EPCIP: variants seen among roughly 807,000 people sequenced by gnomAD.
EPCIP encodes exosomal polycystin-1-interacting protein.
the EPCIP span, among the ~76,000 whole-genome samples, chr21:32,811,068 G>A: frequency 2.6e-5 from 4 of 152,016 alleles, no homozygotes; most frequent in Non-Finnish European, 4.4e-5. Context: ...GTACTGTTAA[G>A]TGTTTCACGT....
chr21:32,794,915 C>T, the EPCIP span, among the ~76,000 whole-genome samples: 1 of 152,198 alleles, frequency 6.6e-6, no homozygotes, highest in African/African-American at 2.4e-5. Flanking sequence ...CTTTCCTCCC[C>T]CTCAATATCT....
At chr21:32,798,026 T>TAAAC in the EPCIP span, 1 of 152,148 alleles carries the variant, frequency 6.6e-6, no homozygotes, top group Non-Finnish European at 1.5e-5. Context: ...AATAAATAAA[T>TAAAC]AAACCTCTCT....
chr21:32,792,919 T>TA, the EPCIP span, among the ~76,000 whole-genome samples: 6 of 151,700 alleles, frequency 4.0e-5, no homozygotes, highest in Admixed American at 4.0e-4. Flanking sequence ...ATTATTATTT[T>TA]TTTTTTTTTT....
the EPCIP span, among the ~76,000 whole-genome samples, chr21:32,801,668 C>G: frequency 6.6e-6 from 1 of 152,148 alleles, no homozygotes; most frequent in Non-Finnish European, 1.5e-5. Context: ...TGGTGAAACC[C>G]TGTCTCTACT....
At chr21:32,797,532 G>A in the EPCIP span, 1 of 158,216 alleles carries the variant, frequency 6.3e-6, no homozygotes, top group South Asian at 1.8e-4. Context: ...TTACAGGCAT[G>A]AGCCACTGCA....
the EPCIP span, among the ~76,000 whole-genome samples, chr21:32,799,491 C>T: frequency 3.9e-5 from 6 of 152,228 alleles, no homozygotes; most frequent in Non-Finnish European, 5.9e-5. Flanking sequence ...TTGGGGTGCC[C>T]GGGCCCTAGC....
At chr21:32,812,365 T>G in the EPCIP span, among the ~76,000 whole-genome samples, 3 of 152,176 alleles carry the variant, frequency 2.0e-5, no homozygotes, top group African/African-American at 7.2e-5. Flanking sequence ...CTGGGGCCTA[T>G]TGACCTATTA....
the EPCIP span, chr21:32,794,458 CT>C: frequency 1.3e-6 from 2 of 1,579,964 alleles, no homozygotes; most frequent in African/African-American, 2.7e-5. Context: ...TATCCCCCCT[CT>C]TTTTGAACCA....
At chr21:32,794,121 CT>C in the EPCIP span, 1 of 1,614,214 alleles carries the variant, frequency 6.2e-7, no homozygotes. Flanking sequence ...AGCTTCAGGT[CT>C]TGGACCAGCG....
the EPCIP span, among the ~76,000 whole-genome samples, chr21:32,808,382 A>G: frequency 6.6e-6 from 1 of 152,176 alleles, no homozygotes; most frequent in Non-Finnish European, 1.5e-5. Context: ...CTTCCACTTA[A>G]CAGTCGTGCC....
At chr21:32,798,762 G>A in the EPCIP span, 2 of 152,110 alleles carry the variant, frequency 1.3e-5, no homozygotes, top group Non-Finnish European at 2.9e-5. Context: ...TCAGGAGTTC[G>A]AGATCATTCT....
At chr21:32,803,852 T>C in the EPCIP span, among the ~76,000 whole-genome samples, 1 of 152,182 alleles carries the variant, frequency 6.6e-6, no homozygotes, top group South Asian at 2.1e-4. Flanking sequence ...GATCTAATGC[T>C]GAAGTCACCG....
the EPCIP span, chr21:32,794,210 A>G: frequency 6.2e-7 from 1 of 1,614,256 alleles, no homozygotes; most frequent in Non-Finnish European, 8.5e-7. Flanking sequence ...GGTTCGCTCT[A>G]CTGCAAGGGG....
At chr21:32,796,495 G>A in the EPCIP span, among the ~76,000 whole-genome samples, 77 of 152,336 alleles carry the variant, frequency 5.1e-4, no homozygotes, top group African/African-American at 1.6e-3. Context: ...GAGATTCGAC[G>A]CGGGGGACTG....
chr21:32,801,891 G>A, the EPCIP span, among the ~76,000 whole-genome samples: 1 of 152,082 alleles, frequency 6.6e-6, no homozygotes, highest in Non-Finnish European at 1.5e-5. Context: ...AGGGAGAAAC[G>A]GAAAGACTCT....
the EPCIP span, among the ~76,000 whole-genome samples, chr21:32,804,649 T>G: frequency 1.3e-5 from 2 of 152,010 alleles, no homozygotes; most frequent in South Asian, 2.1e-4. Flanking sequence ...ATGCATTACT[T>G]GTATCAAACA....
At chr21:32,805,248 G>C in the EPCIP span, among the ~76,000 whole-genome samples, 1 of 152,164 alleles carries the variant, frequency 6.6e-6, no homozygotes, top group African/African-American at 2.4e-5. Flanking sequence ...GAAGGAACCA[G>C]GCCTACTGAC....
At chr21:32,791,190 T>G in the EPCIP span, 1 of 152,226 alleles carries the variant, frequency 6.6e-6, no homozygotes, top group African/African-American at 2.4e-5. Flanking sequence ...CTGAACCATA[T>G]TTTTAGTCCA....
the EPCIP span, among the ~76,000 whole-genome samples, chr21:32,809,618 C>T: frequency 6.6e-6 from 1 of 152,060 alleles, no homozygotes; most frequent in South Asian, 2.1e-4. Context: ...ATCTTCCCAC[C>T]GCCCAAAGTG....
Sources: gnomAD v4.1 joint callset for allele counts (sites outside exome capture counted in the v4.1 genomes callset) on GRCh38, gnomAD v4.1.1 for gene constraint, MANE v1.5 for transcripts, NCBI Gene and HGNC (gene_info 2026-07-23, HGNC 2026-07-21) for gene names.